Variants in MIPOL1 observed in about 807,000 individuals in gnomAD.
The protein encoded by MIPOL1 is mirror-image polydactyly gene 1 protein.
A neutral mutation model predicts 60.9 loss-of-function variants in MIPOL1; 57 were observed. The ratio of observed to expected loss-of-function variants is 0.94; its 90% CI spans 0.76 to 1.17. The LOEUF is 1.17. MIPOL1 is among the 50% of genes most tolerant of loss of function. MIPOL1 has a pLI of 0.00. For synonymous variants in MIPOL1, 179 were observed against 168.8 expected (o/e 1.06, Z -0.47); for missense variants, 551 against 511.6 (o/e 1.08, Z -0.74).
intron 12 of MIPOL1, among the ~76,000 whole-genome samples, chr14:37,525,249 T>C (rs920592528): frequency 2.6e-5 from 4 of 152,184 alleles, no homozygotes; most frequent in African/African-American, 9.7e-5. Flanking sequence ...GAGCATACAG[T>C]CTAGCAAGGG....
chr14:37,425,545 CAT>C (rs963427209), intron 11 of MIPOL1, among the ~76,000 whole-genome samples: 7 of 152,148 alleles, frequency 4.6e-5, no homozygotes, highest in African/African-American at 1.2e-4. Flanking sequence ...ACAGCCATGA[CAT>C]GTGTGGTCGT....
intron 9 of MIPOL1, among the ~76,000 whole-genome samples, chr14:37,369,188 T>G (rs1002109540): frequency 2.0e-5 from 3 of 152,072 alleles, no homozygotes; most frequent in Admixed American, 6.6e-5. Flanking sequence ...ACAGTTTTAT[T>G]CAACCAACAG....
chr14:37,312,614 AT>A (rs1320763186), intron 9 of MIPOL1, among the ~76,000 whole-genome samples: 1 of 152,166 alleles, frequency 6.6e-6, no homozygotes, highest in Non-Finnish European at 1.5e-5. Context: ...CTAGTTAAAA[AT>A]GTTATCTTTT....
chr14:37,298,202 A>G (rs1447676979), intron 7 of MIPOL1, among the ~76,000 whole-genome samples: 2 of 152,248 alleles, frequency 1.3e-5, no homozygotes, highest in Non-Finnish European at 2.9e-5. Context: ...CAATGGGGAA[A>G]GGATTCCCTA....
At chr14:37,361,404 A>G (rs1440497568) in intron 9 of MIPOL1, among the ~76,000 whole-genome samples, 4 of 151,994 alleles carry the variant, frequency 2.6e-5, no homozygotes, top group African/African-American at 9.7e-5. Flanking sequence ...TCTCTCATTG[A>G]TCAGTCTAAT....
At chr14:37,377,328 A>G (rs914465985) in intron 10 of MIPOL1, among the ~76,000 whole-genome samples, 35 of 152,212 alleles carry the variant, frequency 2.3e-4, no homozygotes, top group African/African-American at 7.7e-4. Context: ...TTTTCCTTAG[A>G]TAAGGGCAGA....
At chr14:37,266,344 A>G (rs1254320808) in intron 3 of MIPOL1, among the ~76,000 whole-genome samples, 1 of 152,198 alleles carries the variant, frequency 6.6e-6, no homozygotes, top group African/African-American at 2.4e-5. Context: ...CAAAATGCTT[A>G]CTTGGTTTGC....
intron 7 of MIPOL1, among the ~76,000 whole-genome samples, chr14:37,293,300 C>T (rs1399477848): frequency 6.6e-6 from 1 of 152,026 alleles, no homozygotes; most frequent in Non-Finnish European, 1.5e-5. Context: ...CACCCTGCAC[C>T]CCCTCCCTAT....
chr14:37,492,204 T>G (rs958661452), intron 11 of MIPOL1, among the ~76,000 whole-genome samples: 1 of 152,184 alleles, frequency 6.6e-6, no homozygotes, highest in East Asian at 1.9e-4. Flanking sequence ...GAAATAAAAG[T>G]AGACATTATC....
chr14:37,349,759 T>C (rs897719534), intron 9 of MIPOL1, among the ~76,000 whole-genome samples: 1 of 152,186 alleles, frequency 6.6e-6, no homozygotes, highest in East Asian at 1.9e-4. Context: ...TTTACTTATT[T>C]CGTTTATTGT....
At chr14:37,201,654 A>G (rs1011302714) in intron 1 of MIPOL1, among the ~76,000 whole-genome samples, 2 of 152,132 alleles carry the variant, frequency 1.3e-5, no homozygotes, top group Non-Finnish European at 2.9e-5. Flanking sequence ...CTCAACTGTG[A>G]CACCTCTTCC....
At chr14:37,353,445 C>A (rs898386731) in intron 9 of MIPOL1, among the ~76,000 whole-genome samples, 2 of 151,398 alleles carry the variant, frequency 1.3e-5, no homozygotes, top group Admixed American at 6.6e-5. Context: ...AGGATTCCCT[C>A]TTTTTCTATT....
In MIPOL1 at chr14:37,313,813, T is replaced by C. The variant is rs186805666; in HGVS notation, c.828+5294T>C. On this transcript the variant is annotated intron_variant, in intron 9 of 12. Transcript: ENST00000684589. ...GATTATAATTAGTTCAGAAACTATA[T>C]GAAAAGGTGCATACAGGCTAAAAAC... 1.4e-3 allele frequency among the ~76,000 whole-genome samples: 215 copies of C among 152,296 alleles called. 1 individual carries two copies. Among genetic ancestry groups the C allele is most frequent in the African/African-American group, 4.9e-3 (202 of 41,586 alleles).
chr14:37,443,457 C>CAAAAAAAAAAAA (rs3062712), intron 11 of MIPOL1, among the ~76,000 whole-genome samples: 1 of 45,460 alleles, frequency 2.2e-5, no homozygotes, highest in Non-Finnish European at 4.1e-5. Flanking sequence ...ACTATCTCAC[C>CAAAAAAAAAAAA]AAAAAAAAAA....
At chr14:37,409,049 G>C (rs911915443) in intron 10 of MIPOL1, among the ~76,000 whole-genome samples, 3 of 152,140 alleles carry the variant, frequency 2.0e-5, no homozygotes, top group African/African-American at 4.8e-5. Context: ...GCAAGGCTAG[G>C]GAGCTGAACC....
intron 3 of MIPOL1, among the ~76,000 whole-genome samples, chr14:37,259,010 C>G (rs1483405781): frequency 6.6e-6 from 1 of 151,924 alleles, no homozygotes; most frequent in African/African-American, 2.4e-5. Context: ...GTAAAATAAT[C>G]TCACCACTTC....
At chr14:37,520,362 C>T (rs558009574) in intron 12 of MIPOL1, among the ~76,000 whole-genome samples, 3 of 152,222 alleles carry the variant, frequency 2.0e-5, no homozygotes, top group South Asian at 4.1e-4. Context: ...TAGGAAGGAA[C>T]GAATCCTACA....
Position 37,549,570 on chromosome 14 carries a change from T to A in MIPOL1, c.*2599T>A, listed in dbSNP as rs769308805. 4.6e-5 allele frequency: 7 copies of A among 151,860 alleles called. No individual in the cohort carries two copies. Among genetic ancestry groups the A allele is most frequent in the Non-Finnish European group, 8.9e-5 (6 of 67,774 alleles). The allele number at this position is 151,860 out of a possible 1,614,324, so 9.4% of individuals were successfully genotyped here. ...CTTATAACCACACTCCATGCAACTA[T>A]GAGTCTCTAAATCTCTCTGTAAGAA... On this transcript the variant is annotated 3_prime_UTR_variant, in exon 13 of 13. Coordinates refer to ENST00000684589, the MANE Select transcript of MIPOL1 (RefSeq NM_001388067.1).
At chr14:37,246,206 A>G (rs892642027) in intron 1 of MIPOL1, among the ~76,000 whole-genome samples, 6 of 152,154 alleles carry the variant, frequency 3.9e-5, no homozygotes, top group Non-Finnish European at 8.8e-5. Context: ...ACGCTTTGCC[A>G]TTAAGAGAAC....
Sources: gnomAD v4.1 joint callset for allele counts (sites outside exome capture counted in the v4.1 genomes callset) on GRCh38, gnomAD v4.1.1 for gene constraint, MANE v1.5 for transcripts, NCBI Gene and HGNC (gene_info 2026-07-23, HGNC 2026-07-21) for gene names.